The following ZNF483 variants were observed in gnomAD, a reference collection of about 807,000 sequenced individuals.
ZNF483 encodes zinc finger protein 483, also known as zinc finger protein HIT-10.
In ZNF483, 9 loss-of-function variants were observed where a neutral mutation model predicts 28.6. That is an observed-to-expected ratio of 0.32 (90% CI 0.19 to 0.55). The LOEUF (loss-of-function observed/expected upper bound fraction) is 0.55, where lower values mean the gene tolerates loss of function less well. Among genes scored for constraint, ZNF483 ranks in the 20% least tolerant of loss-of-function variants. The probability of loss-of-function intolerance (pLI) is 0.93; values close to 1 mark genes in which losing one functional copy is unlikely to be tolerated. For missense variants in ZNF483, 675 were observed against 871.7 expected (o/e 0.77, Z 2.84); for synonymous variants, 322 against 306.2 (o/e 1.05, Z -0.54).
rs1448011286 is a variant in ZNF483 at position 111,561,102 on chromosome 9, T to TAGAGAGAGAGAG, written c.722-15262_722-15261insGAGAGAGAGAGA. ...CATCTAAAATATATATATATATATA[T>TAGAGAGAGAGAG]ATATATATAGAGAGAGAGAGAGAGA... On this transcript the variant is annotated intron_variant, in intron 5 of 5. Coordinates refer to the ZNF483 transcript ENST00000358151. 2.7e-4 allele frequency among the ~76,000 whole-genome samples: 8 copies of TAGAGAGAGAGAG among 29,354 alleles called. 1 individual carries two copies. The highest frequency in any genetic ancestry group is 4.3e-4 in the Non-Finnish European group (7 of 16,236). The allele number at this position is 29,354 out of a possible 152,430, so 19.3% of individuals were successfully genotyped here. A position where few individuals can be genotyped will look rare whatever the true frequency, so the allele number is the denominator to read the frequency against.
At chr9:111,537,996 G>A (rs1377680337) in intron 5 of ZNF483, among the ~76,000 whole-genome samples, 2 of 152,032 alleles carry the variant, frequency 1.3e-5, no homozygotes, top group African/African-American at 2.4e-5. Flanking sequence ...CACCAAGTAC[G>A]GCCTGTAAGT....
chr9:111,560,972 TATAGAGAGAGAGAGAGAG>T lies in ZNF483; in HGVS notation c.722-15391_722-15374del, dbSNP rs1241031109. On this transcript the variant is annotated intron_variant, in intron 5 of 5. Transcript: ENST00000358151. ...ATATATATATATATATATATATATA[TATAGAGAGAGAGAGAGAG>T]AGAGAGAGAGAGAGAGAGAGAGAGA... 6.1e-4 allele frequency among the ~76,000 whole-genome samples: 13 copies of T among 21,320 alleles called. 1 individual carries two copies. Among genetic ancestry groups the T allele is most frequent in the African/African-American group, 2.2e-3 (11 of 5,072 alleles). The allele number at this position is 21,320 out of a possible 152,430, so 14.0% of individuals were successfully genotyped here.
At chr9:111,557,619 C>T (rs1350024622), downstream of ZNF483, among the ~76,000 whole-genome samples, 2 of 151,722 alleles carry the variant, frequency 1.3e-5, no homozygotes, top group East Asian at 2.0e-4. Flanking sequence ...TTAGTAGAGA[C>T]GGGGTTTCAC....
rs949358557 is a variant in ZNF483, at chr9:111,549,696, C to T, written c.*6526C>T. 14 of 1,541,178 alleles carry T rather than the reference C, an allele frequency of 9.1e-6. No individual in the cohort carries two copies. Among genetic ancestry groups the T allele is most frequent in the East Asian group, 2.5e-5 (1 of 40,728 alleles). On this transcript the variant is annotated 3_prime_UTR_variant, in exon 6 of 6. Coordinates refer to ENST00000309235, the MANE Select transcript of ZNF483 (RefSeq NM_133464.5). Reference sequence around the variant, plus strand: ...ATTGATTTTCTAAATGTTTGTAGTCCTTTTGTAAAGTGGACCCTTGCCTTC... The same window carrying T: ...ATTGATTTTCTAAATGTTTGTAGTCTTTTTGTAAAGTGGACCCTTGCCTTC...
intron 2 of ZNF483, among the ~76,000 whole-genome samples, chr9:111,529,830 A>G (rs1293340820): frequency 6.6e-6 from 1 of 152,200 alleles, no homozygotes; most frequent in Non-Finnish European, 1.5e-5. Context: ...TTTTATCCAG[A>G]GAGGCTCAGA....
intron 4 of ZNF483, 70 bp downstream of exon 4, chr9:111,533,935 G>C: frequency 1.3e-6 from 2 of 1,556,020 alleles, no homozygotes; most frequent in Non-Finnish European, 1.7e-6. Flanking sequence ...TTATTGAAAG[G>C]TAAGTGCTGT....
At chr9:111,531,671 C>T (rs996812307) in intron 3 of ZNF483, among the ~76,000 whole-genome samples, 13 of 152,228 alleles carry the variant, frequency 8.5e-5, no homozygotes, top group Middle Eastern at 3.4e-3. Context: ...CCACTGCATC[C>T]GGCCTTGCTT....
chr9:111,539,070 G>T (rs10980932), intron 5 of ZNF483, among the ~76,000 whole-genome samples: 1 of 131,904 alleles, frequency 7.6e-6, no homozygotes, highest in Non-Finnish European at 1.5e-5. Context: ...CTGAGATCAC[G>T]CTACTGCACT....
At chr9:111,529,777 C>A (rs905856349) in intron 2 of ZNF483, among the ~76,000 whole-genome samples, 1 of 152,158 alleles carries the variant, frequency 6.6e-6, no homozygotes, top group African/African-American at 2.4e-5. Context: ...TATGGCTGTT[C>A]TCTGTTTTAA....
At position 111,543,138 on chromosome 9, in the gene ZNF483, A is replaced by C; in HGVS notation, c.2203A>C (p.Ile735Leu). The change falls in exon 6 of 6, where the codon ATT becomes CTT. Residue 735 changes from isoleucine (I) to leucine (L), a missense_variant. Transcript: ENST00000309235. ...EKTFKSNSGL[I>L]RHRGFHSAE ...GACATTTAAAAGTAATTCAGGCCTC[A>C]TTAGACATCGGGGATTTCACTCTGC... is the stretch of plus-strand genomic sequence containing the variant. 7 of 1,611,234 alleles carry C rather than the reference A, an allele frequency of 4.3e-6. No individual in the cohort carries two copies. Among genetic ancestry groups the C allele is most frequent in the Non-Finnish European group, 5.1e-6 (6 of 1,178,448 alleles).
At position 111,544,058 on chromosome 9, in the gene ZNF483, G is replaced by A; in HGVS notation, c.*888G>A. 3.0e-6 allele frequency: 3 copies of A among 985,342 alleles called. No individual in the cohort carries two copies. The highest frequency in any genetic ancestry group is 3.6e-6 in the Non-Finnish European group (3 of 829,926). 61.0% of individuals were successfully genotyped at this position (985,342 alleles called of 1,614,324 possible). A position where few individuals can be genotyped will look rare whatever the true frequency, so the allele number is the denominator to read the frequency against. ...TTTCCTTGAGGGAGTATTTTAATCG[G>A]ACAAGGGAACTCTTTTTCTTTTGGG... On this transcript the variant is annotated 3_prime_UTR_variant, in exon 6 of 6. Coordinates refer to ENST00000309235, the MANE Select transcript of ZNF483 (RefSeq NM_133464.5).
intron 5 of ZNF483, among the ~76,000 whole-genome samples, chr9:111,565,072 G>A (rs567371484): frequency 7.7e-4 from 117 of 152,096 alleles, no homozygotes; most frequent in African/African-American, 2.6e-3. Context: ...TGCAGTGAAC[G>A]GAGATCGCAC....
intron 5 of ZNF483, among the ~76,000 whole-genome samples, chr9:111,561,137 A>AGGAGAGAGAG (rs1828295349): frequency 2.8e-5 from 1 of 36,022 alleles, no homozygotes; most frequent in Non-Finnish European, 5.0e-5. Flanking sequence ...AGAGAGAGAG[A>AGGAGAGAGAG]GGAGAGAGAG....
intron 5 of ZNF483, chr9:111,562,629 G>C (rs974322401): frequency 6.6e-6 from 1 of 152,126 alleles, no homozygotes; most frequent in Non-Finnish European, 1.5e-5. Flanking sequence ...TAATTGTGTG[G>C]AATGTGCAGG....
At chr9:111,531,004 T>G in intron 3 of ZNF483, 41 bp downstream of exon 3, 1 of 1,006,466 alleles carries the variant, frequency 9.9e-7, no homozygotes, top group South Asian at 1.6e-5. Context: ...AGTGAATACT[T>G]AATTGAGCTC....
rs991370242 is a variant in ZNF483 at position 111,545,095 on chromosome 9, C to G, written c.*1925C>G. On this transcript the variant is annotated 3_prime_UTR_variant, in exon 6 of 6. Transcript: ENST00000309235. The stretch of plus-strand genomic sequence containing the variant: ...TTTTGGTGCCTCCCCAACCCCAAGC[C>G]TGCAGTTTAAATATTGCCGTGTGAT... Among the ~76,000 whole-genome samples, 1 of 152,168 alleles carries G rather than the reference C, an allele frequency of 6.6e-6. No individual in the cohort carries two copies. The highest frequency in any genetic ancestry group is 1.5e-5 in the Non-Finnish European group (1 of 68,036).
At chr9:111,533,991 A>G in intron 4 of ZNF483, 126 bp downstream of exon 4, 1 of 1,187,476 alleles carries the variant, frequency 8.4e-7, no homozygotes, top group Non-Finnish European at 1.2e-6. Flanking sequence ...TGATAGGACT[A>G]ATCCTAAAAA....
intron 1 of ZNF483, among the ~76,000 whole-genome samples, chr9:111,526,929 G>A (rs957348134): frequency 4.6e-5 from 7 of 151,962 alleles, no homozygotes; most frequent in African/African-American, 1.7e-4. Context: ...GCGAAACCCC[G>A]TCTCTACTAA....
At position 111,543,765 on chromosome 9, in the gene ZNF483, C is replaced by CT. The variant is rs143231263; in HGVS notation, c.*605dup. On this transcript the variant is annotated 3_prime_UTR_variant, in exon 6 of 6. Coordinates refer to ENST00000309235, the MANE Select transcript of ZNF483 (RefSeq NM_133464.5). ...CTATTCAGGATGCTGGACTTCTTTT[C>CT]TTTTTTTTTTCTTTTTTTTTTTTCA... 2,858 of 736,656 alleles carry CT rather than the reference C, an allele frequency of 3.9e-3. No homozygotes were observed. The highest frequency in any genetic ancestry group is 5.5e-3 in the Middle Eastern group (8 of 1,464). 45.6% of individuals were successfully genotyped at this position (736,656 alleles called of 1,614,324 possible).
Sources: allele counts gnomAD v4.1 joint callset (sites outside exome capture counted in the v4.1 genomes callset), GRCh38; gene constraint gnomAD v4.1.1; transcripts MANE v1.5; gene names NCBI Gene and HGNC (gene_info 2026-07-23, HGNC 2026-07-21).